Variants in TNNI3K observed in about 807,000 individuals in gnomAD.
TNNI3K encodes TNNI3 interacting kinase.
TNNI3K carries 140 observed loss-of-function variants against 114.5 expected under a neutral mutation model. The ratio of observed to expected loss-of-function variants is 1.22; its 90% confidence interval spans 1.07 to 1.41. The LOEUF (loss-of-function observed/expected upper bound fraction) is 1.41, where lower values mean the gene tolerates loss of function less well. Among genes scored for constraint, TNNI3K ranks in the 40% most tolerant of loss-of-function variants. The pLI is 0.00. For missense variants in TNNI3K, 1,125 were observed against 1,007.6 expected, an observed-to-expected ratio of 1.12 and a Z score of -1.58; for synonymous variants, 347 against 347.5, an observed-to-expected ratio of 1.00 and a Z score of 0.02.
At chr1:74,258,830 AC>A (rs1655491876) in intron 4 of TNNI3K, among the ~76,000 whole-genome samples, 1 of 152,212 alleles carries the variant, frequency 6.6e-6, no homozygotes, top group Non-Finnish European at 1.5e-5. Context: ...ATAGTAACAT[AC>A]GTTTAAAATG....
chr1:74,464,021 G>A (rs1667561200), intron 21 of TNNI3K, among the ~76,000 whole-genome samples: 1 of 152,212 alleles, frequency 6.6e-6, no homozygotes, highest in African/African-American at 2.4e-5. Context: ...GTATTATGAT[G>A]TGGTTAACAG....
intron 5 of TNNI3K, among the ~76,000 whole-genome samples, chr1:74,279,449 C>G (rs1467587685): frequency 6.6e-6 from 1 of 152,132 alleles, no homozygotes; most frequent in African/African-American, 2.4e-5. Context: ...AATAGAATCT[C>G]AAGACTACCT....
chr1:74,408,995 A>C (rs1280071681), intron 17 of TNNI3K, among the ~76,000 whole-genome samples: 4 of 150,430 alleles, frequency 2.7e-5, no homozygotes, highest in Non-Finnish European at 4.4e-5. Flanking sequence ...CATATAACAA[A>C]AAAAAAAAAA....
At chr1:74,275,817 A>C (rs1167827164) in intron 5 of TNNI3K, among the ~76,000 whole-genome samples, 1 of 152,088 alleles carries the variant, frequency 6.6e-6, no homozygotes, top group African/African-American at 2.4e-5. Flanking sequence ...AATGTATAAC[A>C]CAATTTCTGT....
rs552247063 is a variant in TNNI3K at position 74,272,433 on chromosome 1, A to T, written c.444+725A>T. Among the ~76,000 whole-genome samples the T allele has an allele frequency of 1.8e-4, 27 of 152,092 alleles. No homozygotes were observed. The South Asian group carries it at 2.9e-3, about 16-fold the overall frequency. On this transcript the variant is annotated intron_variant, in intron 5 of 24. Coordinates refer to ENST00000326637, the MANE Select transcript of TNNI3K (RefSeq NM_015978.3). Reference sequence around the variant, plus strand: ...GTAAATATCTCTGAAAGGAGGTCATATAGGAAAAGAGATTTAAATATATTG... The same window carrying T: ...GTAAATATCTCTGAAAGGAGGTCATTTAGGAAAAGAGATTTAAATATATTG...
At chr1:74,344,384 T>C (rs1477644766) in intron 9 of TNNI3K, among the ~76,000 whole-genome samples, 1 of 152,240 alleles carries the variant, frequency 6.6e-6, no homozygotes, top group Non-Finnish European at 1.5e-5. Flanking sequence ...CAAAGTTTCT[T>C]ATGGATAGAA....
intron 21 of TNNI3K, among the ~76,000 whole-genome samples, chr1:74,476,059 G>GA (rs1472052516): frequency 6.6e-6 from 1 of 151,922 alleles, no homozygotes; most frequent in African/African-American, 2.4e-5. Context: ...CTCTTTGGTA[G>GA]AAAAAAAGGC....
intron 17 of TNNI3K, among the ~76,000 whole-genome samples, chr1:74,417,119 T>C (rs182359316): frequency 1.1e-4 from 16 of 152,004 alleles, no homozygotes; most frequent in African/African-American, 3.9e-4. Flanking sequence ...AGAGAAAAGA[T>C]GAAAGAGAGA....
rs1166945339 is a variant in TNNI3K, at chr1:74,405,775, A to G, written c.1773-30305A>G. On this transcript the variant is annotated intron_variant, in intron 17 of 24. Transcript: ENST00000326637. ...GGCTCCCTGTAAACAGCTTTTAGTG[A>G]TGTTAGAATAAGCCAACTGAGGTGT... Among the ~76,000 whole-genome samples the G allele has an allele frequency of 2.0e-5, 3 of 152,198 alleles. No homozygotes were observed. The East Asian group carries it at 5.8e-4, about 29-fold the overall frequency.
chr1:74,463,185 C>A (rs1325926323), intron 20 of TNNI3K, among the ~76,000 whole-genome samples: 1 of 152,204 alleles, frequency 6.6e-6, no homozygotes, highest in East Asian at 1.9e-4. Context: ...TTGCTCCTTG[C>A]ATATTCCTTC....
At chr1:74,397,411 G>A (rs542512853) in intron 17 of TNNI3K, among the ~76,000 whole-genome samples, 73 of 152,304 alleles carry the variant, frequency 4.8e-4, no homozygotes, top group South Asian at 1.2e-3. Flanking sequence ...GGCCCTGCTC[G>A]TAGAGGAGAG....
chr1:74,257,792 G>A (rs778649547), intron 4 of TNNI3K, among the ~76,000 whole-genome samples: 1 of 148,674 alleles, frequency 6.7e-6, no homozygotes, highest in Non-Finnish European at 1.5e-5. Flanking sequence ...CTCAGCCTCC[G>A]GAGTAGCTGG....
intron 17 of TNNI3K, among the ~76,000 whole-genome samples, chr1:74,431,498 A>G (rs1037292434): frequency 3.9e-5 from 6 of 152,108 alleles, no homozygotes; most frequent in African/African-American, 1.4e-4. Context: ...ATACACTGCA[A>G]TTTCTAGCAC....
intron 2 of TNNI3K, among the ~76,000 whole-genome samples, chr1:74,244,736 G>A (rs1654450046): frequency 6.6e-6 from 1 of 151,010 alleles, no homozygotes; most frequent in Admixed American, 6.6e-5. Flanking sequence ...AGCCTTAAGA[G>A]CAGAAGTGAG....
intron 17 of TNNI3K, among the ~76,000 whole-genome samples, chr1:74,391,938 T>G (rs945184513): frequency 3.3e-5 from 5 of 151,158 alleles, no homozygotes; most frequent in Non-Finnish European, 7.4e-5. Context: ...GTCCTTGATT[T>G]AGGATGGTAC....
intron 5 of TNNI3K, among the ~76,000 whole-genome samples, chr1:74,289,290 C>A (rs1311022088): frequency 6.6e-6 from 1 of 151,884 alleles, no homozygotes; most frequent in East Asian, 1.9e-4. Context: ...ATGATGATCA[C>A]ATTTTGTCTT....
At chr1:74,510,098 A>G (rs1405244864) in intron 23 of TNNI3K, among the ~76,000 whole-genome samples, 1 of 152,060 alleles carries the variant, frequency 6.6e-6, no homozygotes, top group African/African-American at 2.4e-5. Flanking sequence ...TCTTTTGTAA[A>G]AGGTAGACAG....
chr1:74,375,340 G>A (rs1662853121), intron 17 of TNNI3K: 1 of 203,020 alleles, frequency 4.9e-6, no homozygotes, highest in South Asian at 7.2e-5. Context: ...ATAACTTTGG[G>A]AGGAACTTGA....
intron 23 of TNNI3K, among the ~76,000 whole-genome samples, chr1:74,527,708 T>G (rs759112788): frequency 1.6e-4 from 24 of 152,164 alleles, no homozygotes; most frequent in Non-Finnish European, 3.2e-4. Flanking sequence ...ATCAGGGAGG[T>G]GACATAATCT....
Sources: allele counts gnomAD v4.1 joint callset (sites outside exome capture counted in the v4.1 genomes callset), GRCh38; gene constraint gnomAD v4.1.1; transcripts MANE v1.5; gene names NCBI Gene and HGNC (gene_info 2026-07-23, HGNC 2026-07-21).